The following SCN8A variants were observed in gnomAD, a reference collection of about 807,000 sequenced individuals.
The protein encoded by SCN8A is sodium voltage-gated channel alpha subunit 8.
SCN8A carries 30 observed loss-of-function variants against 184.1 expected under a neutral mutation model. The ratio of observed to expected loss-of-function variants is 0.16; its 90% CI spans 0.12 to 0.22. The LOEUF is 0.22. SCN8A is among the 10% of genes least tolerant of loss of function. SCN8A has a pLI of 1.00. For synonymous variants in SCN8A, 852 were observed against 907.0 expected (o/e 0.94, Z 1.09); for missense variants, 1,057 against 2,498.9 (o/e 0.42, Z 12.30).
chr12:51,696,165 A>T (rs1292890119), intron 6 of SCN8A, among the ~76,000 whole-genome samples: 3 of 152,236 alleles, frequency 2.0e-5, no homozygotes, highest in Non-Finnish European at 4.4e-5. Flanking sequence ...TTTAACAGTC[A>T]TCTGGTGTTT....
rs1010635929 is a variant in SCN8A at position 51,812,016 on chromosome 12, G to T, written c.*4587G>T. ...CCAGGGGGACATCAGGAGAGAAGAG[G>T]AAGTCTGGGTTGGGAGGGGCCCAAG... On this transcript the variant is annotated 3_prime_UTR_variant, in exon 27 of 27. Transcript: ENST00000627620. 6.6e-6 allele frequency: 1 copy of T among 152,226 alleles called. No individual in the cohort carries two copies. Among genetic ancestry groups the T allele is most frequent in the Non-Finnish European group, 1.5e-5 (1 of 68,058 alleles). The allele number at this position is 152,226 out of a possible 1,614,324, so 9.4% of individuals were successfully genotyped here.
chr12:51,781,652 G>T (rs1033494646), intron 21 of SCN8A, among the ~76,000 whole-genome samples: 3 of 151,052 alleles, frequency 2.0e-5, no homozygotes, highest in African/African-American at 7.4e-5. Context: ...GCGTGCACGC[G>T]CACGCACGCG....
At chr12:51,666,861 A>C (rs973966928) in intron 2 of SCN8A, among the ~76,000 whole-genome samples, 2 of 152,128 alleles carry the variant, frequency 1.3e-5, no homozygotes, top group African/African-American at 4.8e-5. Flanking sequence ...TGGTTTGGCT[A>C]TCATAAGTAT....
At chr12:51,644,420 G>C (rs1374614276) in intron 1 of SCN8A, among the ~76,000 whole-genome samples, 1 of 152,180 alleles carries the variant, frequency 6.6e-6, no homozygotes. Context: ...AGCATCAAAA[G>C]AATTATATAT....
chr12:51,705,180 A>AT (rs1182140574), intron 9 of SCN8A, among the ~76,000 whole-genome samples: 5 of 152,006 alleles, frequency 3.3e-5, no homozygotes, highest in Non-Finnish European at 7.4e-5. Flanking sequence ...ATGAGAGGGG[A>AT]TTTTTTTGTC....
At chr12:51,649,216 T>G (rs1000583440) in intron 1 of SCN8A, among the ~76,000 whole-genome samples, 8 of 152,104 alleles carry the variant, frequency 5.3e-5, no homozygotes, top group African/African-American at 1.7e-4. Flanking sequence ...ACCCTTGTGG[T>G]TTTGCAGGGT....
chr12:51,740,749 A>C (rs1457405285), intron 12 of SCN8A, among the ~76,000 whole-genome samples: 1 of 152,140 alleles, frequency 6.6e-6, no homozygotes, highest in Admixed American at 6.5e-5. Context: ...TCCAGTGCTG[A>C]AAGTGGGGTG....
At chr12:51,669,283 G>A (rs545581245) in intron 2 of SCN8A, among the ~76,000 whole-genome samples, 2 of 152,266 alleles carry the variant, frequency 1.3e-5, no homozygotes, top group South Asian at 4.1e-4. Context: ...ATAAAACCTT[G>A]TTTTAGTTCC....
At chr12:51,761,614 T>G (rs1942763613) in intron 14 of SCN8A, among the ~76,000 whole-genome samples, 1 of 151,962 alleles carries the variant, frequency 6.6e-6, no homozygotes, top group African/African-American at 2.4e-5. Context: ...CTCAGCCTCC[T>G]GGTCCCTGGT....
At chr12:51,680,875 G>A (rs967214749) in intron 2 of SCN8A, among the ~76,000 whole-genome samples, 1 of 152,146 alleles carries the variant, frequency 6.6e-6, no homozygotes, top group South Asian at 2.1e-4. Context: ...GTGGTGGCAG[G>A]TGCCTGTAAT....
chr12:51,638,652 A>G (rs770977181), intron 1 of SCN8A, among the ~76,000 whole-genome samples: 49 of 151,938 alleles, frequency 3.2e-4, no homozygotes, highest in Non-Finnish European at 5.9e-4. Context: ...ACACCCAACT[A>G]ATTTTTGTAT....
intron 2 of SCN8A, among the ~76,000 whole-genome samples, chr12:51,667,654 G>A (rs932825915): frequency 6.6e-6 from 1 of 152,132 alleles, no homozygotes; most frequent in Non-Finnish European, 1.5e-5. Flanking sequence ...AATACAAAAT[G>A]GCCATATATA....
At chr12:51,779,760 CATG>C (rs1390888755) in intron 20 of SCN8A, among the ~76,000 whole-genome samples, 1 of 152,158 alleles carries the variant, frequency 6.6e-6, no homozygotes, top group African/African-American at 2.4e-5. Flanking sequence ...AGAAGATTGA[CATG>C]GAAATGACAG....
intron 20 of SCN8A, among the ~76,000 whole-genome samples, chr12:51,779,796 A>G (rs1199781109): frequency 6.6e-6 from 1 of 152,180 alleles, no homozygotes; most frequent in East Asian, 1.9e-4. Context: ...TTCATTTTGG[A>G]CTGTTCTGGA....
chr12:51,771,278 G>T (rs1942921708), intron 19 of SCN8A, among the ~76,000 whole-genome samples: 1 of 152,158 alleles, frequency 6.6e-6, no homozygotes, highest in South Asian at 2.1e-4. Context: ...TGGTGTGAGG[G>T]AGTTGCTTGC....
chr12:51,792,317 C>CAA (rs71092722), intron 25 of SCN8A, among the ~76,000 whole-genome samples: 4 of 84,822 alleles, frequency 4.7e-5, no homozygotes, highest in East Asian at 2.9e-4. Flanking sequence ...CCCATCTGTA[C>CAA]AAAAAAAAAA....
intron 19 of SCN8A, among the ~76,000 whole-genome samples, chr12:51,773,846 G>T (rs988204637): frequency 6.6e-6 from 1 of 152,084 alleles, no homozygotes; most frequent in Non-Finnish European, 1.5e-5. Flanking sequence ...TAGGTGAGTG[G>T]CTGCCTAGGG....
In SCN8A at chr12:51,808,390, A is replaced by G. The variant is rs900263651; in HGVS notation, c.*961A>G. The G allele has an allele frequency of 7.2e-5, 11 of 152,678 alleles. No homozygotes were observed. Among genetic ancestry groups the G allele is most frequent in the Admixed American group, 3.9e-4 (6 of 15,284 alleles). The allele number at this position is 152,678 out of a possible 1,614,324, so 9.5% of individuals were successfully genotyped here. A position where few individuals can be genotyped will look rare whatever the true frequency, so the allele number is the denominator to read the frequency against. ...TGTTTAACAGACATCTCTAACATAC[A>G]GCCATTGTTGCACATTTTGCAAGAT... On this transcript the variant is annotated 3_prime_UTR_variant, in exon 27 of 27. Transcript: ENST00000627620.
intron 1 of SCN8A, among the ~76,000 whole-genome samples, chr12:51,623,619 T>C (rs112732149): frequency 0.012 from 1,802 of 152,318 alleles, 36 homozygotes; most frequent in African/African-American, 0.041. Context: ...ATTTTCTTTT[T>C]TTTTATTATT....
Sources: gnomAD v4.1 joint callset for allele counts (sites outside exome capture counted in the v4.1 genomes callset) on GRCh38, gnomAD v4.1.1 for gene constraint, MANE v1.5 for transcripts, NCBI Gene and HGNC (gene_info 2026-07-23, HGNC 2026-07-21) for gene names.